Variants in CSMD1 observed in about 807,000 individuals in gnomAD.
CSMD1 encodes the protein CUB and Sushi multiple domains 1, also known as CUB and sushi domain-containing protein 1.
In CSMD1, 213 loss-of-function variants were observed where a neutral mutation model predicts 417.5. The observed-to-expected ratio is 0.51, with a 90% confidence interval of 0.46 to 0.57. The LOEUF is 0.57. CSMD1 is among the 20% of genes least tolerant of loss of function. The pLI is 0.00. For synonymous variants in CSMD1, 2,862 were observed against 1,736.8 expected (o/e 1.65, Z -16.11); for missense variants, 6,923 against 4,529.7 (o/e 1.53, Z -15.17).
At chr8:4,803,745 A>C (rs1428611218) in intron 1 of CSMD1, among the ~76,000 whole-genome samples, 2 of 152,176 alleles carry the variant, frequency 1.3e-5, no homozygotes, top group Admixed American at 1.3e-4. Context: ...ATACTAATAT[A>C]ATTTTTTTCA....
chr8:4,584,179 G>A (rs1767312522), intron 2 of CSMD1, among the ~76,000 whole-genome samples: 1 of 152,020 alleles, frequency 6.6e-6, no homozygotes, highest in South Asian at 2.1e-4. Flanking sequence ...AACACTCACT[G>A]CGACGGTCCG....
chr8:3,456,420 T>C (rs977185560), intron 12 of CSMD1, among the ~76,000 whole-genome samples: 11 of 152,258 alleles, frequency 7.2e-5, no homozygotes, highest in Non-Finnish European at 1.2e-4. Flanking sequence ...GAGCTGTTCC[T>C]CTTTGGCCAT....
intron 5 of CSMD1, among the ~76,000 whole-genome samples, chr8:3,855,921 G>C (rs1016362783): frequency 6.6e-5 from 10 of 152,170 alleles, no homozygotes; most frequent in Middle Eastern, 3.4e-3. Context: ...AATCTGTACG[G>C]GTGAGATAAA....
intron 40 of CSMD1, among the ~76,000 whole-genome samples, chr8:3,145,271 G>C (rs1818774917): frequency 6.6e-6 from 1 of 152,132 alleles, no homozygotes; most frequent in Admixed American, 6.5e-5. Flanking sequence ...AGGAAAACCG[G>C]GGCCAGATTG....
At chr8:3,508,653 G>A (rs1309925697) in intron 10 of CSMD1, among the ~76,000 whole-genome samples, 2 of 151,994 alleles carry the variant, frequency 1.3e-5, no homozygotes, top group African/African-American at 2.4e-5. Context: ...TCCTTCAGTC[G>A]GTTTTATTGT....
intron 49 of CSMD1, among the ~76,000 whole-genome samples, chr8:3,079,100 C>T (rs543197541): frequency 1.3e-5 from 2 of 152,266 alleles, no homozygotes; most frequent in African/African-American, 4.8e-5. Flanking sequence ...AGCCTGACTG[C>T]AACTGCACTG....
intron 17 of CSMD1, among the ~76,000 whole-genome samples, chr8:3,388,896 T>TACACACACACACAC (rs6150441): frequency 4.1e-5 from 6 of 147,640 alleles, no homozygotes; most frequent in East Asian, 2.1e-4. Context: ...CACACATGCA[T>TACACACACACACAC]ACACACACAC....
At chr8:4,461,927 G>A (rs998103616) in intron 2 of CSMD1, among the ~76,000 whole-genome samples, 10 of 151,856 alleles carry the variant, frequency 6.6e-5, no homozygotes, top group African/African-American at 2.4e-4. Flanking sequence ...ATTTTTAGAA[G>A]AGACGGGGTT....
At chr8:4,522,625 C>G (rs763092191) in intron 2 of CSMD1, among the ~76,000 whole-genome samples, 1 of 152,138 alleles carries the variant, frequency 6.6e-6, no homozygotes, top group Admixed American at 6.5e-5. Context: ...TGGAACCAGA[C>G]CCTTTCTGAC....
intron 3 of CSMD1, among the ~76,000 whole-genome samples, chr8:4,112,713 G>C (rs1585338679): frequency 6.6e-6 from 1 of 152,178 alleles, no homozygotes; most frequent in Non-Finnish European, 1.5e-5. Context: ...AAGTGATATG[G>C]AGATTTAATT....
intron 26 of CSMD1, among the ~76,000 whole-genome samples, chr8:3,263,258 C>G (rs1040083090): frequency 2.6e-5 from 4 of 152,182 alleles, no homozygotes; most frequent in African/African-American, 9.7e-5. Context: ...GCCACCACAT[C>G]TGGCTAATTT....
chr8:4,933,010 T>G (rs1466522751), intron 1 of CSMD1, among the ~76,000 whole-genome samples: 1 of 152,204 alleles, frequency 6.6e-6, no homozygotes, highest in Non-Finnish European at 1.5e-5. Flanking sequence ...TAAACATTTC[T>G]CTTTGCTGAT....
intron 3 of CSMD1, among the ~76,000 whole-genome samples, chr8:4,381,719 C>A (rs531732493): frequency 6.6e-6 from 1 of 152,062 alleles, no homozygotes; most frequent in African/African-American, 2.4e-5. Flanking sequence ...TTCACGCTGC[C>A]GTGGATGGAC....
chr8:3,014,866 T>C, intron 52 of CSMD1, among the ~76,000 whole-genome samples: 1 of 151,628 alleles, frequency 6.6e-6, no homozygotes, highest in East Asian at 1.9e-4. Context: ...CAGTGAGCTG[T>C]TGTTGCACCA....
chr8:3,466,286 G>C (rs1396947265), intron 12 of CSMD1, among the ~76,000 whole-genome samples: 1 of 152,022 alleles, frequency 6.6e-6, no homozygotes, highest in Non-Finnish European at 1.5e-5. Flanking sequence ...AGCAGAACCA[G>C]TATTCAGGGG....
chr8:3,955,156 C>A (rs1415450278), intron 5 of CSMD1, among the ~76,000 whole-genome samples: 1 of 152,214 alleles, frequency 6.6e-6, no homozygotes, highest in Non-Finnish European at 1.5e-5. Context: ...GACAGAAGCA[C>A]TGACTGTCCT....
chr8:4,776,089 G>A (rs1010371119), intron 1 of CSMD1, among the ~76,000 whole-genome samples: 1 of 152,098 alleles, frequency 6.6e-6, no homozygotes, highest in Non-Finnish European at 1.5e-5. Flanking sequence ...CAGATTTGAA[G>A]AAGCAGGCAC....
At chr8:3,165,173 C>T (rs1208657096) in intron 37 of CSMD1, among the ~76,000 whole-genome samples, 1 of 151,958 alleles carries the variant, frequency 6.6e-6, no homozygotes, top group Non-Finnish European at 1.5e-5. Flanking sequence ...TCACTACACA[C>T]CCAGTATATG....
At chr8:3,608,641 G>A (rs2469341) in intron 8 of CSMD1, among the ~76,000 whole-genome samples, 17,033 of 151,606 alleles carry the variant, frequency 0.11, 1,076 homozygotes, top group Non-Finnish European at 0.14. Flanking sequence ...GCACACGCCT[G>A]TAATCCCAGC....
Sources: gnomAD v4.1 joint callset for allele counts (sites outside exome capture counted in the v4.1 genomes callset) on GRCh38, gnomAD v4.1.1 for gene constraint, MANE v1.5 for transcripts, NCBI Gene and HGNC (gene_info 2026-07-23, HGNC 2026-07-21) for gene names.